KHDRBS2: variants seen among roughly 807,000 people sequenced by gnomAD.
The protein encoded by KHDRBS2 is KH domain-containing, RNA-binding, signal transduction-associated protein 2.
KHDRBS2 carries 26 observed loss-of-function variants against 44.3 expected under a neutral mutation model. The ratio of observed to expected loss-of-function variants is 0.59; its 90% CI spans 0.43 to 0.81. The LOEUF (loss-of-function observed/expected upper bound fraction) is 0.81, where lower values mean the gene tolerates loss of function less well. KHDRBS2 is among the 40% of genes least tolerant of loss of function. The pLI, the probability that KHDRBS2 is intolerant of heterozygous loss-of-function variation, is 0.00. For synonymous variants in KHDRBS2, 194 were observed against 151.1 expected, an observed-to-expected ratio of 1.28 and a Z score of -2.08; for missense variants, 476 against 433.1, an observed-to-expected ratio of 1.10 and a Z score of -0.88.
intron 4 of KHDRBS2, among the ~76,000 whole-genome samples, chr6:61,967,850 A>G (rs1770399650): frequency 2.5e-5 from 2 of 78,678 alleles, no homozygotes; most frequent in Admixed American, 1.3e-4. Flanking sequence ...CAATACATAC[A>G]TACATACATA....
chr6:61,984,804 A>G (rs1774713380), intron 3 of KHDRBS2, among the ~76,000 whole-genome samples: 1 of 152,214 alleles, frequency 6.6e-6, no homozygotes, highest in Non-Finnish European at 1.5e-5. Flanking sequence ...ACTGGACCCA[A>G]GTTAGAATAG....
the KHDRBS2 span, among the ~76,000 whole-genome samples, chr6:61,602,730 C>T: frequency 2.0e-5 from 3 of 152,148 alleles, no homozygotes; most frequent in Non-Finnish European, 2.9e-5. Context: ...GTTTCCTTTG[C>T]CTCCATAACT....
At position 62,268,457 on chromosome 6, in the gene KHDRBS2, G is replaced by A. The variant is rs558736535; in HGVS notation, c.91+17401C>T. 1.8e-4 allele frequency among the ~76,000 whole-genome samples: 27 copies of A among 152,150 alleles called. No homozygotes were observed. The South Asian group carries it at 4.1e-3, about 23-fold the overall frequency. ...TTTCAGGGTGACAGCAATGCTGGCC[G>A]CTAACATGCCCCTGAAGATGAAGAT... On this transcript the variant is annotated intron_variant, in intron 1 of 8. Transcript: ENST00000281156.
At chr6:61,980,148 T>C (rs1773538094) in intron 3 of KHDRBS2, among the ~76,000 whole-genome samples, 1 of 152,154 alleles carries the variant, frequency 6.6e-6, no homozygotes, top group Admixed American at 6.5e-5. Flanking sequence ...CGGAATCACA[T>C]CTTCCATAAG....
chr6:62,122,727 G>A, intron 2 of KHDRBS2, among the ~76,000 whole-genome samples: 1 of 125,576 alleles, frequency 8.0e-6, no homozygotes, highest in African/African-American at 3.3e-5. Context: ...AAAGTGGACA[G>A]CTGCCGCAGC....
At chr6:62,080,354 T>G (rs1038488537) in intron 2 of KHDRBS2, among the ~76,000 whole-genome samples, 1 of 152,134 alleles carries the variant, frequency 6.6e-6, no homozygotes, top group East Asian at 1.9e-4. Flanking sequence ...TATTGACTTA[T>G]GTACCCAAGT....
chr6:61,615,097 G>T, the KHDRBS2 span, among the ~76,000 whole-genome samples: 2 of 151,434 alleles, frequency 1.3e-5, no homozygotes, highest in African/African-American at 2.4e-5. Flanking sequence ...GCCGGGTGTG[G>T]TGGTGCATGA....
At chr6:61,788,669 G>A (rs1364281814) in intron 6 of KHDRBS2, among the ~76,000 whole-genome samples, 1 of 150,572 alleles carries the variant, frequency 6.6e-6, no homozygotes, top group Non-Finnish European at 1.5e-5. Context: ...TTATTTAAAC[G>A]GAAAACTCCC....
chr6:62,087,133 CAAAAG>C (rs993389591), intron 2 of KHDRBS2, among the ~76,000 whole-genome samples: 3 of 151,988 alleles, frequency 2.0e-5, no homozygotes, highest in East Asian at 1.9e-4. Flanking sequence ...TGAAAATGAG[CAAAAG>C]AAAAGGATCA....
intron 6 of KHDRBS2, among the ~76,000 whole-genome samples, chr6:61,802,080 C>T (rs775834546): frequency 2.6e-5 from 4 of 152,000 alleles, no homozygotes; most frequent in Non-Finnish European, 5.9e-5. Flanking sequence ...GATTTGAGAG[C>T]GACCCCTGGC....
intron 3 of KHDRBS2, among the ~76,000 whole-genome samples, chr6:62,004,998 T>A: frequency 6.6e-6 from 1 of 152,136 alleles, no homozygotes; most frequent in South Asian, 2.1e-4. Flanking sequence ...AAAGTAGGTA[T>A]TGATGGAACT....
intron 4 of KHDRBS2, among the ~76,000 whole-genome samples, chr6:61,915,522 G>C (rs115219037): frequency 1.0e-3 from 156 of 152,030 alleles, no homozygotes; most frequent in African/African-American, 3.6e-3. Flanking sequence ...AAATACAAAT[G>C]ATTAGGGTGC....
At chr6:62,071,261 T>A (rs1400522556) in intron 2 of KHDRBS2, among the ~76,000 whole-genome samples, 1 of 152,184 alleles carries the variant, frequency 6.6e-6, no homozygotes, top group Non-Finnish European at 1.5e-5. Context: ...GATGAGTAGA[T>A]TGCAAAAATT....
At chr6:62,234,307 G>A (rs377063557) in intron 1 of KHDRBS2, among the ~76,000 whole-genome samples, 44 of 151,952 alleles carry the variant, frequency 2.9e-4, no homozygotes, top group Non-Finnish European at 5.4e-4. Flanking sequence ...CTCTCCCTTC[G>A]TGCAATATAG....
the KHDRBS2 span, among the ~76,000 whole-genome samples, chr6:61,629,634 C>T: frequency 8.6e-4 from 131 of 152,224 alleles, 1 homozygote; most frequent in African/African-American, 3.0e-3. Flanking sequence ...GGCAAATGGG[C>T]TCTGCAGCAT....
chr6:61,988,259 G>A (rs577379462), intron 3 of KHDRBS2, among the ~76,000 whole-genome samples: 2 of 152,032 alleles, frequency 1.3e-5, no homozygotes, highest in East Asian at 1.9e-4. Flanking sequence ...GGAAAAGAAG[G>A]CAATTAATCT....
At chr6:62,058,655 G>A (rs12212314) in intron 2 of KHDRBS2, among the ~76,000 whole-genome samples, 30,670 of 151,674 alleles carry the variant, frequency 0.2, 3,746 homozygotes, top group Admixed American at 0.32. Flanking sequence ...AAAAAACATT[G>A]GTGAGCAAGA....
chr6:62,184,870 AG>A (rs1823111787), intron 1 of KHDRBS2, among the ~76,000 whole-genome samples: 1 of 151,872 alleles, frequency 6.6e-6, no homozygotes, highest in South Asian at 2.1e-4. Context: ...CCTCAGAAAT[AG>A]GTATGTGATT....
intron 2 of KHDRBS2, among the ~76,000 whole-genome samples, chr6:62,118,977 A>G (rs887986991): frequency 2.0e-5 from 3 of 152,184 alleles, no homozygotes; most frequent in Non-Finnish European, 4.4e-5. Flanking sequence ...AATACTCAAT[A>G]AACTTCCCTT....
Sources: gnomAD v4.1 joint callset for allele counts (sites outside exome capture counted in the v4.1 genomes callset) on GRCh38, gnomAD v4.1.1 for gene constraint, MANE v1.5 for transcripts, NCBI Gene and HGNC (gene_info 2026-07-23, HGNC 2026-07-21) for gene names.